The following FRYL variants were observed in gnomAD, a reference collection of about 807,000 sequenced individuals.
FRYL encodes FRY like transcription coactivator, also known as protein furry homolog-like.
Under a neutral mutation model 351.2 loss-of-function variants are expected in FRYL, and 150 were observed. That is an observed-to-expected ratio of 0.43 (90% CI 0.37 to 0.49). FRYL has a LOEUF of 0.49. Among genes scored for constraint, FRYL ranks in the 20% least tolerant of loss-of-function variants. FRYL has a pLI of 0.00. For synonymous variants in FRYL, 1,153 were observed against 1,257.1 expected, an observed-to-expected ratio of 0.92 and a Z score of 1.75; for missense variants, 3,036 against 3,619.3, an observed-to-expected ratio of 0.84 and a Z score of 4.13.
At chr4:48,776,749 TC>T (rs1027792017) in intron 1 of FRYL, among the ~76,000 whole-genome samples, 1 of 152,182 alleles carries the variant, frequency 6.6e-6, no homozygotes, top group Non-Finnish European at 1.5e-5. Context: ...GAGCACATAC[TC>T]TGTCTCCCCA....
At position 48,570,865 on chromosome 4, in the gene FRYL, T is replaced by C. The variant is rs1451097397; in HGVS notation, c.2958A>G (p.Ile986Met). ...CACCAGCATCTGCCAGCAGTTCAAA[T>C]ATTCGTACCAGTTGTACTCGTAAAA... Reference protein sequence around the residue: ...RDILRVQLVRIFELLADAGVI... With the variant: ...RDILRVQLVRMFELLADAGVI... Residue 986 changes from isoleucine (I) to methionine (M), a missense_variant, in exon 27 of 64, where the codon ATA becomes ATG. By Grantham distance (10) the Ile-to-Met change is conservative. This residue lies in a region of FRYL where 492 missense variants were observed against 551.5 expected (regional missense o/e 0.89). Transcript: ENST00000358350. The C allele has an allele frequency of 6.2e-7, 1 of 1,614,010 alleles. No homozygotes were observed. The highest frequency in any genetic ancestry group is 1.7e-5 in the Admixed American group (1 of 60,030).
intron 1 of FRYL, among the ~76,000 whole-genome samples, chr4:48,741,052 G>C (rs1468742470): frequency 2.6e-5 from 4 of 151,618 alleles, no homozygotes; most frequent in Non-Finnish European, 4.4e-5. Context: ...AAAGCAAGCT[G>C]TGCTACATCC....
chr4:48,664,417 G>A (rs1475641551), intron 3 of FRYL, among the ~76,000 whole-genome samples: 1 of 152,166 alleles, frequency 6.6e-6, no homozygotes, highest in African/African-American at 2.4e-5. Context: ...TGAAAATAAG[G>A]AAACAGATTT....
At chr4:48,699,347 A>G (rs771141725) in intron 2 of FRYL, among the ~76,000 whole-genome samples, 1 of 152,240 alleles carries the variant, frequency 6.6e-6, no homozygotes, top group African/African-American at 2.4e-5. Context: ...TCATGAAAAC[A>G]TAAGAGTTTG....
intron 3 of FRYL, among the ~76,000 whole-genome samples, chr4:48,658,547 G>T (rs1759723853): frequency 8.3e-6 from 1 of 119,870 alleles, no homozygotes; most frequent in South Asian, 2.7e-4. Context: ...GACCAGCCTG[G>T]ACAACATGGC....
At position 48,609,017 on chromosome 4, in the gene FRYL, G is replaced by C; in HGVS notation, c.542C>G (p.Ala181Gly). 6.2e-7 allele frequency: 1 copy of C among 1,609,918 alleles called. No individual in the cohort carries two copies. The highest frequency in any genetic ancestry group is 8.5e-7 in the Non-Finnish European group (1 of 1,176,664). Residue 181 changes from alanine to glycine, a missense_variant, in exon 9 of 64, where the codon GCA (alanine) becomes GGA (glycine). Physicochemically the swap from Ala to Gly is moderately conservative, Grantham distance 60 (BLOSUM62 0). Coordinates refer to ENST00000358350, the MANE Select transcript of FRYL (RefSeq NM_015030.2). ...TTGGGCAAGAACCCCTATCACCTCT[G>C]CATATAAATCAGCAATAATATGCAC... ...GNVHIIADLY[A>G]EVIGVLAQSK...
intron 3 of FRYL, among the ~76,000 whole-genome samples, chr4:48,657,412 C>A (rs1249083471): frequency 1.5e-5 from 2 of 131,412 alleles, no homozygotes; most frequent in East Asian, 4.5e-4. Context: ...AGCTACTAAT[C>A]CTGTTTTTAA....
At chr4:48,667,808 T>C (rs1174239222) in intron 3 of FRYL, among the ~76,000 whole-genome samples, 1 of 152,118 alleles carries the variant, frequency 6.6e-6, no homozygotes, top group African/African-American at 2.4e-5. Context: ...CCACTACAGC[T>C]GGCTAATTTT....
At chr4:48,763,106 TAAAAAAAAAAAA>T (rs10683757) in intron 1 of FRYL, among the ~76,000 whole-genome samples, 1 of 91,536 alleles carries the variant, frequency 1.1e-5, no homozygotes, top group African/African-American at 4.1e-5. Flanking sequence ...TACAGATCTG[TAAAAAAAAAAAA>T]AAAAAAAAAA....
rs747521211 is a variant in FRYL, at chr4:48,576,221, T to A, written c.2530A>T (p.Ser844Cys). The A allele has an allele frequency of 1.6e-5, 25 of 1,572,712 alleles. No homozygotes were observed. Among genetic ancestry groups the A allele is most frequent in the Non-Finnish European group, 2.0e-5 (23 of 1,162,492 alleles). Residue 844 changes from serine (S) to cysteine (C), a missense_variant and splice_region_variant, in exon 24 of 64, where the codon AGC (serine) becomes TGC (cysteine). Transcript: ENST00000358350. Reference protein sequence around the residue: ...QLLSPQVDINSPINAKKVNTT... With the variant: ...QLLSPQVDINCPINAKKVNTT... ...TTTACTTTCTTAGCATTGATGGGGCTACTAAGGAAAAAAAAAGAAAAATAG... is the reference window on the plus strand; with the variant it reads ...TTTACTTTCTTAGCATTGATGGGGCAACTAAGGAAAAAAAAAGAAAAATAG...
In FRYL at chr4:48,517,691, G is replaced by A. The variant is rs138883131; in HGVS notation, c.7690-2416C>T. On this transcript the variant is annotated intron_variant, in intron 55 of 63. Coordinates refer to ENST00000358350, the MANE Select transcript of FRYL (RefSeq NM_015030.2). Reference sequence around the variant, plus strand: ...TCCCCTCTTGAGATCAGAGTGTAACGTGTGTATATTACAGAGAAGAAAGGG... The same window carrying A: ...TCCCCTCTTGAGATCAGAGTGTAACATGTGTATATTACAGAGAAGAAAGGG... 3.6e-3 allele frequency among the ~76,000 whole-genome samples: 541 copies of A among 152,258 alleles called. 7 individuals are homozygous for A. Among genetic ancestry groups the A allele is most frequent in the African/African-American group, 0.013 (529 of 41,554 alleles).
intron 1 of FRYL, among the ~76,000 whole-genome samples, chr4:48,768,289 A>C (rs2176460): frequency 0.41 from 62,919 of 152,078 alleles, 14,322 homozygotes; most frequent in Admixed American, 0.56. Context: ...AAAGATTTTT[A>C]CAAAGAAGGA....
chr4:48,502,712 T>C, intron 61 of FRYL, 116 bp downstream of exon 61: 1 of 718,792 alleles, frequency 1.4e-6, no homozygotes, highest in Non-Finnish European at 2.4e-6. Context: ...AAGCACATAC[T>C]ACTTGTAAAG....
chr4:48,662,765 GAAAAAAA>G lies in FRYL; in HGVS notation c.-81+21901_-81+21907del, dbSNP rs57746767. On this transcript the variant is annotated intron_variant, in intron 3 of 63. Transcript: ENST00000358350. ...ACATAGCAAGATCTCATCTCCTGAA[GAAAAAAA>G]AAAAAAAAAAAAGCAGGAAATTATA... Among the ~76,000 whole-genome samples, 5 of 131,618 alleles carry G rather than the reference GAAAAAAA, an allele frequency of 3.8e-5. No individual in the cohort carries two copies. In the Admixed American group the frequency reaches 3.8e-4, roughly 10 times the overall value. The allele number at this position is 131,618 out of a possible 152,430, so 86.3% of individuals were successfully genotyped here. A position where few individuals can be genotyped will look rare whatever the true frequency, so the allele number is the denominator to read the frequency against.
chr4:48,712,168 C>T (rs1288412481), intron 1 of FRYL, among the ~76,000 whole-genome samples: 25 of 152,186 alleles, frequency 1.6e-4, no homozygotes, highest in Admixed American at 1.6e-3. Context: ...CACCTCTCCT[C>T]CTCCAACGGA....
At chr4:48,702,773 A>AAAAAG (rs1553983293) in intron 2 of FRYL, among the ~76,000 whole-genome samples, 2,007 of 139,220 alleles carry the variant, frequency 0.014, 96 homozygotes, top group African/African-American at 0.024. Flanking sequence ...AAAAAAAAAA[A>AAAAAG]AAAGAAAAAG....
At chr4:48,754,305 A>C (rs1235104589) in intron 1 of FRYL, among the ~76,000 whole-genome samples, 3 of 152,212 alleles carry the variant, frequency 2.0e-5, no homozygotes, top group African/African-American at 7.2e-5. Flanking sequence ...CATGCACTTT[A>C]TAATAGTTAG....
At chr4:48,632,562 C>T (rs1753442068) in intron 4 of FRYL, among the ~76,000 whole-genome samples, 1 of 150,172 alleles carries the variant, frequency 6.7e-6, no homozygotes, top group Non-Finnish European at 1.5e-5. Flanking sequence ...TATATGCTGT[C>T]TATATATATA....
At chr4:48,601,983 T>C in intron 13 of FRYL, 37 bp downstream of exon 13, 1 of 1,166,028 alleles carries the variant, frequency 8.6e-7, no homozygotes, top group Non-Finnish European at 1.3e-6. Flanking sequence ...AATATACCAG[T>C]CAGTATTTAC....
Sources: allele counts gnomAD v4.1 joint callset (sites outside exome capture counted in the v4.1 genomes callset), GRCh38; gene constraint gnomAD v4.1.1; regional missense constraint gnomAD v4.1.1; transcripts MANE v1.5; gene names NCBI Gene and HGNC (gene_info 2026-07-23, HGNC 2026-07-21).